FGF14: variants seen among roughly 807,000 people sequenced by gnomAD.
FGF14 encodes fibroblast growth factor homologous factor 4.
FGF14 carries 5 observed loss-of-function variants against 25.5 expected under a neutral mutation model. That is an observed-to-expected ratio of 0.20 (90% CI 0.10 to 0.41). The LOEUF (loss-of-function observed/expected upper bound fraction) is 0.41. FGF14 is among the 10% of genes least tolerant of loss of function. FGF14 has a pLI of 1.00. For missense variants in FGF14, 222 were observed against 320.1 expected, an observed-to-expected ratio of 0.69 and a Z score of 2.34; for synonymous variants, 138 against 118.3, an observed-to-expected ratio of 1.17 and a Z score of -1.08.
intron 3 of FGF14, among the ~76,000 whole-genome samples, chr13:101,814,627 G>A (rs971282489): frequency 9.9e-5 from 15 of 152,264 alleles, no homozygotes; most frequent in Middle Eastern, 3.4e-3. Context: ...TTCTGAGTCT[G>A]TAATTGTGTC....
intron 1 of FGF14, among the ~76,000 whole-genome samples, chr13:102,207,008 ACAATGGCT>A: frequency 1.3e-5 from 2 of 152,122 alleles, no homozygotes; most frequent in East Asian, 3.9e-4. Context: ...CTGGTCGGGT[ACAATGGCT>A]CATACCTGTA....
At position 101,717,124 on chromosome 13, in the gene FGF14, T is replaced by A. The variant is rs1274933937; in HGVS notation, c.*5707A>T. The A allele has an allele frequency of 6.6e-6, 1 of 152,150 alleles. No homozygotes were observed. Among genetic ancestry groups the A allele is most frequent in the Non-Finnish European group, 1.5e-5 (1 of 68,014 alleles). 9.4% of individuals were successfully genotyped at this position (152,150 alleles called of 1,614,324 possible). A position where few individuals can be genotyped will look rare whatever the true frequency, so the allele number is the denominator to read the frequency against. On this transcript the variant is annotated 3_prime_UTR_variant, in exon 5 of 5. Transcript: ENST00000376143. ...AAAATTTTTACTTGGAAATTTTATT[T>A]TAATGATGTAAATATTCTAGTCATG...
chr13:102,289,354 A>G (rs924968798), intron 1 of FGF14, among the ~76,000 whole-genome samples: 14 of 152,306 alleles, frequency 9.2e-5, no homozygotes, highest in African/African-American at 3.1e-4. Context: ...ATGGCTTTCT[A>G]GACCATTAGA....
At chr13:102,286,265 G>A (rs879652269) in intron 1 of FGF14, among the ~76,000 whole-genome samples, 10 of 110,470 alleles carry the variant, frequency 9.1e-5, no homozygotes, top group Non-Finnish European at 1.3e-4. Context: ...GTTCTCCCCC[G>A]CCCACCAGTC....
chr13:101,898,341 A>ACAC (rs2031021147), intron 1 of FGF14, among the ~76,000 whole-genome samples: 1 of 144,372 alleles, frequency 6.9e-6, no homozygotes, highest in Non-Finnish European at 1.5e-5. Context: ...TGAAACATAC[A>ACAC]ACACACACAC....
chr13:102,216,410 A>T (rs1184046908), intron 1 of FGF14, among the ~76,000 whole-genome samples: 2 of 152,250 alleles, frequency 1.3e-5, no homozygotes, highest in African/African-American at 4.8e-5. Flanking sequence ...TAAAGAATCA[A>T]GGGCACTAGA....
At chr13:102,241,768 C>T (rs1306347841) in intron 1 of FGF14, among the ~76,000 whole-genome samples, 1 of 152,090 alleles carries the variant, frequency 6.6e-6, no homozygotes, top group African/African-American at 2.4e-5. Context: ...TGAAGATAGA[C>T]AAACCACTGG....
intron 3 of FGF14, among the ~76,000 whole-genome samples, chr13:101,797,115 C>T (rs1217727412): frequency 2.6e-5 from 4 of 152,110 alleles, no homozygotes; most frequent in African/African-American, 4.8e-5. Context: ...ACCCACCTTA[C>T]AACATGAGAC....
chr13:102,366,173 C>T (rs1297144244), intron 1 of FGF14, among the ~76,000 whole-genome samples: 1 of 152,108 alleles, frequency 6.6e-6, no homozygotes. Context: ...ATCCTGCTGC[C>T]TTTCACTGGA....
chr13:102,182,141 C>T (rs2048700336), intron 1 of FGF14, among the ~76,000 whole-genome samples: 1 of 152,094 alleles, frequency 6.6e-6, no homozygotes, highest in Admixed American at 6.6e-5. Context: ...ATCCTTAAAA[C>T]TAGAGAGACT....
chr13:102,335,318 T>A (rs952521501), intron 1 of FGF14, among the ~76,000 whole-genome samples: 1 of 152,208 alleles, frequency 6.6e-6, no homozygotes, highest in African/African-American at 2.4e-5. Flanking sequence ...TCTTTCCTGC[T>A]GAAACCCCTG....
intron 1 of FGF14, among the ~76,000 whole-genome samples, chr13:101,928,480 T>G (rs1211751246): frequency 6.6e-6 from 1 of 152,110 alleles, no homozygotes. Context: ...TATTTTCATA[T>G]TATATTTCTC....
chr13:102,098,161 A>C (rs2044493725), intron 1 of FGF14, among the ~76,000 whole-genome samples: 1 of 152,220 alleles, frequency 6.6e-6, no homozygotes, highest in East Asian at 1.9e-4. Flanking sequence ...CCCACCAGCC[A>C]GTTCTGCATA....
chr13:101,864,436 T>G (rs927991438), intron 3 of FGF14, among the ~76,000 whole-genome samples: 1 of 152,106 alleles, frequency 6.6e-6, no homozygotes, highest in Non-Finnish European at 1.5e-5. Context: ...ACAGTTGAAA[T>G]AGTAACTTTA....
In FGF14 at chr13:102,326,677, A is replaced by G. The variant is rs140619009; in HGVS notation, c.208+74794T>C. On this transcript the variant is annotated intron_variant, in intron 1 of 4. Coordinates refer to the FGF14 transcript ENST00000376131. ...AGGGAGGGGAAGGGAGGGGAAGGGA[A>G]GGGAAGGGAAGGGAAGGGAAGGAAG... 5.0e-3 allele frequency among the ~76,000 whole-genome samples: 286 copies of G among 57,058 alleles called. 1 individual carries two copies. The highest frequency in any genetic ancestry group is 0.012 in the African/African-American group (153 of 12,870). The allele number at this position is 57,058 out of a possible 152,430, so 37.4% of individuals were successfully genotyped here.
chr13:102,153,985 T>C (rs2047202562), intron 1 of FGF14, among the ~76,000 whole-genome samples: 1 of 152,120 alleles, frequency 6.6e-6, no homozygotes, highest in Non-Finnish European at 1.5e-5. Context: ...AAATCAATAT[T>C]TAAAGAGGTT....
At chr13:101,912,652 GGTT>G (rs1417537761) in intron 1 of FGF14, among the ~76,000 whole-genome samples, 1 of 151,854 alleles carries the variant, frequency 6.6e-6, no homozygotes, top group Non-Finnish European at 1.5e-5. Flanking sequence ...TTTAAAATGA[GGTT>G]GTTTATGTTC....
At chr13:101,812,219 A>G (rs2041550653) in intron 3 of FGF14, among the ~76,000 whole-genome samples, 1 of 152,092 alleles carries the variant, frequency 6.6e-6, no homozygotes, top group Non-Finnish European at 1.5e-5. Context: ...AGGATTGGAA[A>G]TTTTGTTACT....
chr13:101,893,753 T>C (rs1594633687), intron 1 of FGF14, among the ~76,000 whole-genome samples: 1 of 152,304 alleles, frequency 6.6e-6, no homozygotes, highest in East Asian at 1.9e-4. Flanking sequence ...ATCAGAGCCC[T>C]ACTGACAAGT....
Sources: gnomAD v4.1 joint callset for allele counts (sites outside exome capture counted in the v4.1 genomes callset) on GRCh38, gnomAD v4.1.1 for gene constraint, MANE v1.5 for transcripts, NCBI Gene and HGNC (gene_info 2026-07-23, HGNC 2026-07-21) for gene names.